Variants in USP48 observed in about 807,000 individuals in gnomAD.
USP48 encodes the protein ubiquitin specific peptidase 48.
In USP48, 43 loss-of-function variants were observed where a neutral mutation model predicts 150.7. The observed-to-expected ratio is 0.29, with a 90% confidence interval of 0.22 to 0.37. The LOEUF (loss-of-function observed/expected upper bound fraction) is 0.37, where lower values mean the gene tolerates loss of function less well. Ranked by LOEUF, USP48 falls within the 10% of genes least tolerant of loss-of-function variation. The pLI is 1.00. For missense variants in USP48, 813 were observed against 1,249.6 expected (o/e 0.65, Z 5.27); for synonymous variants, 396 against 425.9 (o/e 0.93, Z 0.86).
intron 11 of USP48, among the ~76,000 whole-genome samples, chr1:21,726,291 T>C (rs535381347): frequency 1.8e-4 from 28 of 152,276 alleles, no homozygotes; most frequent in African/African-American, 6.0e-4. Flanking sequence ...CCAGCAACAA[T>C]GTGGCTCAAA....
chr1:21,703,243 T>C (rs1320522934), intron 21 of USP48, among the ~76,000 whole-genome samples: 1 of 152,234 alleles, frequency 6.6e-6, no homozygotes, highest in Non-Finnish European at 1.5e-5. Context: ...CCTGCCTTCT[T>C]TATCACTGTA....
intron 15 of USP48, 120 bp downstream of exon 15, chr1:21,715,269 C>T (rs893846900): frequency 4.7e-6 from 3 of 635,000 alleles, no homozygotes; most frequent in Non-Finnish European, 5.4e-6. Context: ...TGGGGAAATT[C>T]TATTAAAAAA....
chr1:21,754,740 G>A (rs167988), intron 3 of USP48, among the ~76,000 whole-genome samples: 11,602 of 152,198 alleles, frequency 0.076, 500 homozygotes, highest in Middle Eastern at 0.11. Context: ...TCACAGTACA[G>A]TGCCTCCAGT....
At chr1:21,699,967 G>A (rs1028986420) in intron 22 of USP48, among the ~76,000 whole-genome samples, 8 of 149,556 alleles carry the variant, frequency 5.3e-5, no homozygotes, top group South Asian at 2.1e-4. Flanking sequence ...CAGGGTAAAG[G>A]GCGGCAGCAA....
At chr1:21,690,356 C>T (rs571281005) in intron 23 of USP48, among the ~76,000 whole-genome samples, 1 of 152,112 alleles carries the variant, frequency 6.6e-6, no homozygotes, top group South Asian at 2.1e-4. Context: ...CTTACCTTAC[C>T]AGCTTCCCAA....
At chr1:21,764,229 G>T (rs1435196909) in intron 1 of USP48, among the ~76,000 whole-genome samples, 7 of 152,094 alleles carry the variant, frequency 4.6e-5, no homozygotes, top group Non-Finnish European at 1.5e-5. Flanking sequence ...CTTGAGGCCA[G>T]GAATTTGACA....
intron 12 of USP48, 78 bp downstream of exon 12, chr1:21,723,820 A>C: frequency 7.6e-7 from 1 of 1,307,386 alleles, no homozygotes; most frequent in Non-Finnish European, 1.1e-6. Context: ...AAATCATCAT[A>C]AGCCACACTC....
intron 24 of USP48, among the ~76,000 whole-genome samples, chr1:21,688,476 C>T (rs999668295): frequency 6.6e-6 from 1 of 151,808 alleles, no homozygotes; most frequent in African/African-American, 2.4e-5. Flanking sequence ...ACCTCAACCT[C>T]CCAAAGTGTT....
Position 21,679,401 on chromosome 1 carries a change from A to C in USP48, c.*16T>G. The C allele has an allele frequency of 2.5e-6, 4 of 1,614,176 alleles. No homozygotes were observed. The East Asian group carries it at 8.9e-5, about 36-fold the overall frequency. ...CCCCTCTGGTCATTTCTTAGCAGTC[A>C]GCAAGTATTCAAAGATTAATGTCCA... On this transcript the variant is annotated 3_prime_UTR_variant, in exon 27 of 27. Transcript: ENST00000308271.
intron 12 of USP48, among the ~76,000 whole-genome samples, chr1:21,722,488 AC>A (rs1378532284): frequency 6.6e-6 from 1 of 150,694 alleles, no homozygotes; most frequent in African/African-American, 2.4e-5. Flanking sequence ...GTAGTGCACT[AC>A]GATTCCACCA....
intron 15 of USP48, among the ~76,000 whole-genome samples, chr1:21,712,907 C>T (rs1026711994): frequency 2.6e-5 from 4 of 151,866 alleles, no homozygotes; most frequent in Non-Finnish European, 2.9e-5. Flanking sequence ...GGATTACAGG[C>T]GTGAGCCACC....
chr1:21,692,209 A>G (rs2097604055), intron 23 of USP48, among the ~76,000 whole-genome samples: 3 of 152,300 alleles, frequency 2.0e-5, no homozygotes, highest in Admixed American at 1.3e-4. Context: ...GACTAGCCAG[A>G]GATCTGTGGC....
intron 12 of USP48, among the ~76,000 whole-genome samples, chr1:21,723,651 T>A (rs2097728246): frequency 6.6e-6 from 1 of 152,126 alleles, no homozygotes; most frequent in South Asian, 2.1e-4. Context: ...GGTCCTATTT[T>A]GTCTGCTTTG....
chr1:21,747,573 T>C (rs908424567), intron 7 of USP48, among the ~76,000 whole-genome samples: 1 of 150,680 alleles, frequency 6.6e-6, no homozygotes, highest in Non-Finnish European at 1.5e-5. Context: ...GCAGTTTTTC[T>C]TTCTTTTTTT....
At chr1:21,681,612 A>T (rs999026163) in intron 25 of USP48, among the ~76,000 whole-genome samples, 1 of 152,164 alleles carries the variant, frequency 6.6e-6, no homozygotes, top group African/African-American at 2.4e-5. Context: ...TGAAGGATAC[A>T]AACAGCTGTT....
chr1:21,764,526 GT>G (rs2097857272), intron 1 of USP48, among the ~76,000 whole-genome samples: 1 of 151,568 alleles, frequency 6.6e-6, no homozygotes, highest in African/African-American at 2.4e-5. Context: ...GGCCAAGATG[GT>G]GAAACCCTGA....
intron 1 of USP48, among the ~76,000 whole-genome samples, chr1:21,767,063 C>CA (rs1032712532): frequency 9.9e-5 from 15 of 151,644 alleles, no homozygotes; most frequent in African/African-American, 3.6e-4. Context: ...GACTCTGCCT[C>CA]AAAAAAACAA....
intron 1 of USP48, among the ~76,000 whole-genome samples, chr1:21,771,980 G>A (rs963024160): frequency 1.3e-5 from 2 of 151,734 alleles, no homozygotes; most frequent in African/African-American, 2.4e-5. Context: ...ATGTAATAAA[G>A]GTGGATTTTT....
intron 10 of USP48, 140 bp from the exon 11 acceptor site, chr1:21,728,859 C>G: frequency 1.9e-6 from 2 of 1,048,116 alleles, no homozygotes; most frequent in Non-Finnish European, 2.7e-6. Context: ...TGCTAGAAAC[C>G]TCCAAACTGA....
Sources: allele counts gnomAD v4.1 joint callset (sites outside exome capture counted in the v4.1 genomes callset), GRCh38; gene constraint gnomAD v4.1.1; transcripts MANE v1.5; gene names NCBI Gene and HGNC (gene_info 2026-07-23, HGNC 2026-07-21).